C8orf34: variants seen among roughly 807,000 people sequenced by gnomAD.
The protein encoded by C8orf34 is chromosome 8 open reading frame 34.
A neutral mutation model predicts 68.3 loss-of-function variants in C8orf34; 65 were observed. That is an observed-to-expected ratio of 0.95 (90% confidence interval 0.78 to 1.17). The LOEUF (loss-of-function observed/expected upper bound fraction) is 1.17. Ranked by LOEUF, C8orf34 falls within the 50% of genes most tolerant of loss-of-function variation. The probability of loss-of-function intolerance (pLI) is 0.00; values close to 1 mark genes in which losing one functional copy is unlikely to be tolerated. For synonymous variants in C8orf34, 244 were observed against 241.2 expected (o/e 1.01, Z -0.11); for missense variants, 664 against 655.4 (o/e 1.01, Z -0.14).
intron 1 of C8orf34, among the ~76,000 whole-genome samples, chr8:68,387,617 T>C (rs1808314206): frequency 6.6e-6 from 1 of 151,996 alleles, no homozygotes. Flanking sequence ...GATACAGAAA[T>C]GGATGGAGAT....
chr8:68,519,954 G>T (rs1267560505), intron 5 of C8orf34, among the ~76,000 whole-genome samples: 1 of 152,128 alleles, frequency 6.6e-6, no homozygotes, highest in Non-Finnish European at 1.5e-5. Context: ...GCTTTAAAAA[G>T]TAAATACAGA....
At chr8:68,771,339 A>G (rs1432855195) in intron 10 of C8orf34, among the ~76,000 whole-genome samples, 1 of 152,246 alleles carries the variant, frequency 6.6e-6, no homozygotes, top group South Asian at 2.1e-4. Flanking sequence ...TTCATCAACT[A>G]TCATAAATGT....
At chr8:68,456,148 C>G (rs546943417) in intron 3 of C8orf34, among the ~76,000 whole-genome samples, 1 of 150,466 alleles carries the variant, frequency 6.6e-6, no homozygotes, top group Non-Finnish European at 1.5e-5. Context: ...CCCACCTACT[C>G]GGGAGGCTGA....
intron 8 of C8orf34, among the ~76,000 whole-genome samples, chr8:68,644,890 A>T (rs1819119706): frequency 6.6e-6 from 1 of 152,196 alleles, no homozygotes; most frequent in Non-Finnish European, 1.5e-5. Context: ...CTTTTTGGGC[A>T]TCTGTATTTT....
intron 5 of C8orf34, among the ~76,000 whole-genome samples, chr8:68,494,781 G>A (rs1209617644): frequency 6.6e-6 from 1 of 151,668 alleles, no homozygotes; most frequent in Non-Finnish European, 1.5e-5. Flanking sequence ...ACTTGAACAC[G>A]GGAGGCGGAG....
At chr8:68,438,412 G>A (rs1343064559) in intron 1 of C8orf34, 1 of 152,108 alleles carries the variant, frequency 6.6e-6, no homozygotes, top group African/African-American at 2.4e-5. Flanking sequence ...TGACACACCA[G>A]CCATCTGACC....
intron 8 of C8orf34, among the ~76,000 whole-genome samples, chr8:68,688,759 T>C (rs954963501): frequency 2.0e-5 from 3 of 152,084 alleles, no homozygotes; most frequent in African/African-American, 7.2e-5. Context: ...CTGCATGTTC[T>C]CACTCATAAG....
At chr8:68,613,057 T>C (rs1818070144) in intron 7 of C8orf34, among the ~76,000 whole-genome samples, 1 of 152,170 alleles carries the variant, frequency 6.6e-6, no homozygotes, top group Non-Finnish European at 1.5e-5. Flanking sequence ...AGTATGGCTA[T>C]TTTCTCATAT....
intron 1 of C8orf34, among the ~76,000 whole-genome samples, chr8:68,362,023 T>C (rs534336429): frequency 2.0e-5 from 3 of 152,248 alleles, no homozygotes; most frequent in African/African-American, 7.2e-5. Flanking sequence ...TTGGATTTTT[T>C]ATTTGTAACG....
At chr8:68,397,345 C>G (rs1399282058) in intron 1 of C8orf34, among the ~76,000 whole-genome samples, 1 of 152,060 alleles carries the variant, frequency 6.6e-6, no homozygotes. Context: ...TTTCTCCATT[C>G]TTGTTTCAAT....
At chr8:68,762,943 T>G (rs181717655) in intron 10 of C8orf34, among the ~76,000 whole-genome samples, 1 of 152,250 alleles carries the variant, frequency 6.6e-6, no homozygotes, top group East Asian at 1.9e-4. Context: ...GGGCCCACAC[T>G]CTGTGCCCTG....
At chr8:68,521,710 C>A in intron 5 of C8orf34, 89 bp from the exon 6 acceptor site, 2 of 1,143,750 alleles carry the variant, frequency 1.7e-6, no homozygotes, top group Non-Finnish European at 2.5e-6. Context: ...AAGCATTTGA[C>A]AGTCAAATAT....
chr8:68,454,782 T>C (rs1811481003), intron 3 of C8orf34, among the ~76,000 whole-genome samples: 2 of 152,036 alleles, frequency 1.3e-5, no homozygotes, highest in African/African-American at 4.8e-5. Context: ...TTCATCCTTT[T>C]GGTAGCTTGG....
chr8:68,488,357 T>C (rs1452695284), intron 5 of C8orf34, among the ~76,000 whole-genome samples: 1 of 152,184 alleles, frequency 6.6e-6, no homozygotes, highest in Non-Finnish European at 1.5e-5. Context: ...ATTATTTTAT[T>C]CCACTTGTAT....
chr8:68,399,552 G>A (rs1517120), intron 1 of C8orf34, among the ~76,000 whole-genome samples: 95,628 of 151,920 alleles, frequency 0.63, 30,163 homozygotes, highest in African/African-American at 0.68. Flanking sequence ...TCTTTATTCA[G>A]TCATCTGTTG....
intron 8 of C8orf34, among the ~76,000 whole-genome samples, chr8:68,642,250 T>C (rs536868471): frequency 6.6e-6 from 1 of 152,308 alleles, no homozygotes; most frequent in Non-Finnish European, 1.5e-5. Context: ...GTGTTTGAAA[T>C]GATGAAAGTT....
At chr8:68,538,929 A>C (rs1815593625) in intron 7 of C8orf34, among the ~76,000 whole-genome samples, 1 of 152,178 alleles carries the variant, frequency 6.6e-6, no homozygotes, top group African/African-American at 2.4e-5. Flanking sequence ...AGTTGGGCTT[A>C]GGGTAGGAAT....
intron 10 of C8orf34, among the ~76,000 whole-genome samples, chr8:68,744,955 A>G (rs924143366): frequency 1.2e-3 from 188 of 152,282 alleles, no homozygotes; most frequent in African/African-American, 4.3e-3. Context: ...AGTTGAAATG[A>G]AGGAAAAAAT....
At chr8:68,381,385 A>G (rs1183455231) in intron 1 of C8orf34, among the ~76,000 whole-genome samples, 5 of 152,202 alleles carry the variant, frequency 3.3e-5, no homozygotes, top group African/African-American at 4.8e-5. Flanking sequence ...CTCTGTTATC[A>G]TTACAAGATT....
Sources: allele counts gnomAD v4.1 joint callset (sites outside exome capture counted in the v4.1 genomes callset), GRCh38; gene constraint gnomAD v4.1.1; transcripts MANE v1.5; gene names NCBI Gene and HGNC (gene_info 2026-07-23, HGNC 2026-07-21).